Variants in QKI observed in about 807,000 individuals in gnomAD.
QKI encodes KH domain-containing RNA-binding protein QKI.
In QKI, 10 loss-of-function variants were observed where a neutral mutation model predicts 39.0. The ratio of observed to expected loss-of-function variants is 0.26; its 90% CI spans 0.16 to 0.43. The LOEUF is 0.43. QKI is among the 20% of genes least tolerant of loss of function. QKI has a pLI of 1.00. For synonymous variants in QKI, 204 were observed against 155.4 expected, an observed-to-expected ratio of 1.31 and a Z score of -2.33; for missense variants, 218 against 428.0, an observed-to-expected ratio of 0.51 and a Z score of 4.33.
intron 3 of QKI, 148 bp from the exon 4 acceptor site, chr6:163,534,834 G>A: frequency 3.3e-6 from 2 of 603,922 alleles, no homozygotes; most frequent in Non-Finnish European, 5.4e-6. Flanking sequence ...AAACTTTGAG[G>A]ACCCAGAAAA....
chr6:163,460,430 A>C (rs576914110), intron 2 of QKI, among the ~76,000 whole-genome samples: 8 of 152,280 alleles, frequency 5.3e-5, no homozygotes, highest in Admixed American at 4.6e-4. Flanking sequence ...AATGTTATTC[A>C]CAGTACACTC....
intron 1 of QKI, among the ~76,000 whole-genome samples, chr6:163,426,160 T>A (rs1788386065): frequency 6.6e-6 from 1 of 152,210 alleles, no homozygotes; most frequent in Admixed American, 6.5e-5. Context: ...ATATTCTTTA[T>A]AGCTGGATTG....
intron 7 of QKI, chr6:163,569,317 TC>T: frequency 9.3e-7 from 1 of 1,076,310 alleles, no homozygotes; most frequent in Non-Finnish European, 1.1e-6. Flanking sequence ...TGAAGGTAAA[TC>T]AGTCCATTAT....
At chr6:163,509,328 G>C (rs1779293258) in intron 3 of QKI, among the ~76,000 whole-genome samples, 1 of 152,156 alleles carries the variant, frequency 6.6e-6, no homozygotes, top group East Asian at 1.9e-4. Context: ...AATTTTACAG[G>C]CTAAAGAGAA....
chr6:163,494,266 G>T (rs777360884), intron 3 of QKI, among the ~76,000 whole-genome samples: 2 of 152,204 alleles, frequency 1.3e-5, no homozygotes, highest in African/African-American at 4.8e-5. Context: ...GTATATGGAG[G>T]ATGAGCCTGA....
intron 4 of QKI, among the ~76,000 whole-genome samples, chr6:163,547,379 C>T (rs757458975): frequency 2.4e-4 from 36 of 152,270 alleles, no homozygotes; most frequent in African/African-American, 3.4e-4. Context: ...GATGTCTGCT[C>T]TTCAGAACTG....
intron 2 of QKI, chr6:163,457,600 C>T (rs1413028288): frequency 1.4e-5 from 5 of 357,706 alleles, no homozygotes; most frequent in African/African-American, 2.1e-5. Flanking sequence ...TAGATAATTC[C>T]GATGCATGCT....
intron 3 of QKI, among the ~76,000 whole-genome samples, chr6:163,511,297 T>C (rs1779459960): frequency 6.6e-6 from 1 of 152,134 alleles, no homozygotes; most frequent in South Asian, 2.1e-4. Flanking sequence ...TCTAATTTCC[T>C]ACCTAATTAA....
intron 1 of QKI, among the ~76,000 whole-genome samples, chr6:163,436,167 G>A (rs1470881765): frequency 6.6e-6 from 1 of 152,176 alleles, no homozygotes; most frequent in African/African-American, 2.4e-5. Flanking sequence ...CAAGGTAAAT[G>A]TTTAAAATGT....
intron 3 of QKI, among the ~76,000 whole-genome samples, chr6:163,534,481 G>C (rs1460444738): frequency 2.0e-5 from 3 of 152,184 alleles, no homozygotes; most frequent in Non-Finnish European, 4.4e-5. Flanking sequence ...AAAGATCACT[G>C]AATTAGAGAA....
chr6:163,427,123 C>T (rs894767769), intron 1 of QKI, among the ~76,000 whole-genome samples: 1 of 151,944 alleles, frequency 6.6e-6, no homozygotes, highest in Non-Finnish European at 1.5e-5. Flanking sequence ...GTTCATTACT[C>T]TCAGGATGTG....
At position 163,577,224 on chromosome 6, in the gene QKI, C is replaced by G. The variant is rs1441814280; in HGVS notation, c.*6514C>G. The G allele has an allele frequency of 2.0e-5, 3 of 152,090 alleles. No individual in the cohort carries two copies. The East Asian group carries it at 5.8e-4, about 29-fold the overall frequency. 9.4% of individuals were successfully genotyped at this position (152,090 alleles called of 1,614,324 possible). The stretch of plus-strand genomic sequence containing the variant: ...AGTACCTCTGGCTCCTTTCCTCTTG[C>G]TCACCGGAACCTTAGTTTTCCTCAA... On this transcript the variant is annotated 3_prime_UTR_variant, in exon 8 of 8. Coordinates refer to ENST00000361752, the MANE Select transcript of QKI (RefSeq NM_006775.3).
At chr6:163,526,380 A>G (rs1197098032) in intron 3 of QKI, among the ~76,000 whole-genome samples, 2 of 152,220 alleles carry the variant, frequency 1.3e-5, no homozygotes, top group African/African-American at 2.4e-5. Flanking sequence ...TGAATTGTGT[A>G]TCTTAGATGA....
intron 2 of QKI, among the ~76,000 whole-genome samples, chr6:163,459,416 A>G (rs957479525): frequency 1.3e-5 from 2 of 152,124 alleles, no homozygotes; most frequent in Non-Finnish European, 2.9e-5. Flanking sequence ...ACATCCTGTA[A>G]TGCACAGGGC....
At chr6:163,488,973 CT>C (rs767477914) in intron 3 of QKI, among the ~76,000 whole-genome samples, 2,884 of 122,078 alleles carry the variant, frequency 0.024, 79 homozygotes, top group African/African-American at 0.082. Context: ...CCTTCCATTT[CT>C]TTTTTTTTTT....
intron 4 of QKI, among the ~76,000 whole-genome samples, chr6:163,561,183 A>G (rs552409934): frequency 9.5e-4 from 144 of 152,352 alleles, no homozygotes; most frequent in African/African-American, 3.3e-3. Flanking sequence ...AGAATTAAGC[A>G]TAAAATTTCC....
intron 3 of QKI, among the ~76,000 whole-genome samples, chr6:163,533,940 A>G (rs947889030): frequency 6.6e-6 from 1 of 152,226 alleles, no homozygotes; most frequent in African/African-American, 2.4e-5. Context: ...CAGTTTTATT[A>G]TGCCTGCTTT....
At chr6:163,452,867 A>G (rs1233710119) in intron 1 of QKI, among the ~76,000 whole-genome samples, 1 of 152,088 alleles carries the variant, frequency 6.6e-6, no homozygotes, top group Admixed American at 6.5e-5. Context: ...AGCTGGGATT[A>G]CAGGCGTCTG....
Position 163,573,796 on chromosome 6 carries a change from A to T in QKI, c.*3086A>T, listed in dbSNP as rs1425362237. 1 of 152,216 alleles carries T rather than the reference A, an allele frequency of 6.6e-6. No individual in the cohort carries two copies. The highest frequency in any genetic ancestry group is 1.9e-4 in the East Asian group (1 of 5,204). The allele number at this position is 152,216 out of a possible 1,614,324, so 9.4% of individuals were successfully genotyped here. A position where few individuals can be genotyped will look rare whatever the true frequency, so the allele number is the denominator to read the frequency against. The stretch of plus-strand genomic sequence containing the variant: ...TTAATAAATGTTATAATACCAACCT[A>T]CTAACTCTGGACTTTGTCTGTTTAT... On this transcript the variant is annotated 3_prime_UTR_variant, in exon 8 of 8. Transcript: ENST00000361752.
Sources: gnomAD v4.1 joint callset for allele counts (sites outside exome capture counted in the v4.1 genomes callset) on GRCh38, gnomAD v4.1.1 for gene constraint, MANE v1.5 for transcripts, NCBI Gene and HGNC (gene_info 2026-07-23, HGNC 2026-07-21) for gene names.